The following CNKSR3 variants were observed in gnomAD, a reference collection of about 807,000 sequenced individuals.
CNKSR3 encodes the protein CNKSR family member 3.
A neutral mutation model predicts 67.7 loss-of-function variants in CNKSR3; 36 were observed. The ratio of observed to expected loss-of-function variants is 0.53; its 90% CI spans 0.41 to 0.70. The LOEUF (loss-of-function observed/expected upper bound fraction) is 0.70, where lower values mean the gene tolerates loss of function less well. CNKSR3 is among the 30% of genes least tolerant of loss of function. The probability of loss-of-function intolerance (pLI) is 0.00; values close to 1 mark genes in which losing one functional copy is unlikely to be tolerated. For missense variants in CNKSR3, 630 were observed against 695.2 expected, an observed-to-expected ratio of 0.91 and a Z score of 1.05; for synonymous variants, 281 against 271.4, an observed-to-expected ratio of 1.04 and a Z score of -0.35.
Position 154,398,941 on chromosome 6 carries a change from T to C in CNKSR3, c.*7413A>G, listed in dbSNP as rs1342381181. ...CTAAAAATACAAAATTAGCCGGGTG[T>C]GGTGGCACATGCCTGTAATCCCAGC... is the stretch of plus-strand genomic sequence containing the variant. On this transcript the variant is annotated 3_prime_UTR_variant, in exon 13 of 13. Coordinates refer to ENST00000607772, the MANE Select transcript of CNKSR3 (RefSeq NM_173515.4). 1 of 152,168 alleles carries C rather than the reference T, an allele frequency of 6.6e-6. No individual in the cohort carries two copies. Among genetic ancestry groups the C allele is most frequent in the Non-Finnish European group, 1.5e-5 (1 of 68,108 alleles). The allele number at this position is 152,168 out of a possible 1,614,324, so 9.4% of individuals were successfully genotyped here.
In CNKSR3 at chr6:154,500,193, A is replaced by G. The variant is rs757545892; in HGVS notation, c.52+9870T>C. On this transcript the variant is annotated intron_variant, in intron 1 of 12. Coordinates refer to ENST00000607772, the MANE Select transcript of CNKSR3 (RefSeq NM_173515.4). ...ACTTGATTCTCCTGAAGACAATGTAATATAAAATTACTGTGAGAACATGCA... is the reference window on the plus strand; with the variant it reads ...ACTTGATTCTCCTGAAGACAATGTAGTATAAAATTACTGTGAGAACATGCA... 6.0e-4 allele frequency among the ~76,000 whole-genome samples: 92 copies of G among 152,098 alleles called. 1 individual carries two copies. The highest frequency in any genetic ancestry group is 1.2e-3 in the Non-Finnish European group (83 of 68,032).
chr6:154,501,663 G>A lies in CNKSR3; in HGVS notation c.52+8400C>T, dbSNP rs530881070. 4.6e-5 allele frequency among the ~76,000 whole-genome samples: 7 copies of A among 152,088 alleles called. No homozygotes were observed. In the East Asian group the frequency reaches 1.2e-3, roughly 25 times the overall value. Reference sequence around the variant, plus strand: ...CACCTCTGAAAGGCTTTCTGATGACGTCATCCAAAGGAGTCCCCCACCCAG... The same window carrying A: ...CACCTCTGAAAGGCTTTCTGATGACATCATCCAAAGGAGTCCCCCACCCAG... On this transcript the variant is annotated intron_variant, in intron 1 of 12. Transcript: ENST00000607772.
rs1785149905 is a variant in CNKSR3, at chr6:154,421,821, T to A, written c.945+685A>T. Among the ~76,000 whole-genome samples, 5 of 152,066 alleles carry A rather than the reference T, an allele frequency of 3.3e-5. 1 individual carries two copies. In the South Asian group the frequency reaches 1.0e-3, roughly 32 times the overall value. ...CAAACTGTATACAGTTATGTAGGTA[T>A]GTGTTTGAAATGAGAGAGGAGAAGG... On this transcript the variant is annotated intron_variant, in intron 9 of 12. Coordinates refer to ENST00000607772, the MANE Select transcript of CNKSR3 (RefSeq NM_173515.4).
intron 6 of CNKSR3, among the ~76,000 whole-genome samples, chr6:154,429,524 C>T (rs1239883883): frequency 6.6e-6 from 1 of 152,170 alleles, no homozygotes; most frequent in Non-Finnish European, 1.5e-5. Flanking sequence ...TCCAGGAAGT[C>T]CTCCCTGTTT....
chr6:154,414,581 A>G, intron 9 of CNKSR3, 158 bp from the exon 10 acceptor site: 1 of 784,094 alleles, frequency 1.3e-6, no homozygotes, highest in Non-Finnish European at 2.2e-6. Context: ...TTTAACTTAC[A>G]TTCTTCTTTG....
At chr6:154,479,671 C>T (rs192443034) in intron 1 of CNKSR3, among the ~76,000 whole-genome samples, 6 of 152,208 alleles carry the variant, frequency 3.9e-5, no homozygotes, top group East Asian at 3.9e-4. Flanking sequence ...CAACACAGAA[C>T]GAAAATTATG....
chr6:154,452,533 G>A (rs185895549), intron 1 of CNKSR3, among the ~76,000 whole-genome samples: 1 of 152,204 alleles, frequency 6.6e-6, no homozygotes, highest in African/African-American at 2.4e-5. Flanking sequence ...CTCTTGGGAC[G>A]CTGTCTTCCC....
chr6:154,496,109 G>A (rs145327449), intron 1 of CNKSR3, among the ~76,000 whole-genome samples: 17 of 152,200 alleles, frequency 1.1e-4, no homozygotes, highest in African/African-American at 3.4e-4. Flanking sequence ...AGAATTTCTG[G>A]GAGTTAAAGC....
chr6:154,414,007 C>T (rs947881052), intron 10 of CNKSR3, among the ~76,000 whole-genome samples: 1 of 152,092 alleles, frequency 6.6e-6, no homozygotes, highest in Non-Finnish European at 1.5e-5. Flanking sequence ...CCTCAGCCAC[C>T]CAAAGTGCTG....
intron 1 of CNKSR3, among the ~76,000 whole-genome samples, chr6:154,498,082 G>C (rs182995799): frequency 1.5e-3 from 221 of 152,322 alleles, no homozygotes; most frequent in Non-Finnish European, 2.5e-3. Context: ...CTATTCAGTG[G>C]TTTGCTGAAT....
At chr6:154,489,009 C>A (rs751350773) in intron 1 of CNKSR3, among the ~76,000 whole-genome samples, 9 of 152,114 alleles carry the variant, frequency 5.9e-5, no homozygotes, top group Non-Finnish European at 1.5e-5. Context: ...GGAGGGCGAG[C>A]GGCCACACCC....
chr6:154,406,684 T>A (rs1784799759), intron 12 of CNKSR3, 32 bp from the exon 13 acceptor site: 2 of 1,582,322 alleles, frequency 1.3e-6, no homozygotes, highest in Non-Finnish European at 1.7e-6. Context: ...TAAGTCACAA[T>A]CCCAGCCGGG....
chr6:154,510,179 G>C lies in CNKSR3; in HGVS notation c.-65C>G. The stretch of plus-strand genomic sequence containing the variant: ...GATAAAGTGCTGCTGCCTGCGCTCC[G>C]GTGCCCCTTCCCGGGAGGGCGCGCC... On this transcript the variant is annotated 5_prime_UTR_variant, in exon 1 of 13. Coordinates refer to ENST00000607772, the MANE Select transcript of CNKSR3 (RefSeq NM_173515.4). The C allele has an allele frequency of 6.3e-7, 1 of 1,595,060 alleles. No individual in the cohort carries two copies. The highest frequency in any genetic ancestry group is 8.6e-7 in the Non-Finnish European group (1 of 1,164,290).
chr6:154,472,131 T>A (rs1582887575), intron 1 of CNKSR3, among the ~76,000 whole-genome samples: 2 of 152,184 alleles, frequency 1.3e-5, no homozygotes, highest in East Asian at 3.8e-4. Flanking sequence ...ACAAAGTGCC[T>A]GGATGGGCTT....
Position 154,406,563 on chromosome 6 carries a change from G to T in CNKSR3, c.1459C>A (p.Pro487Thr), listed in dbSNP as rs368606606. 5.0e-6 allele frequency: 8 copies of T among 1,614,104 alleles called. No individual in the cohort carries two copies. Among genetic ancestry groups the T allele is most frequent in the Non-Finnish European group, 6.8e-6 (8 of 1,180,044 alleles). The change falls in exon 13 of 13, where the codon CCC (proline) becomes ACC (threonine). Residue 487 changes from proline to threonine, a missense_variant. Physicochemically the swap from Pro to Thr is conservative, Grantham distance 38. Coordinates refer to ENST00000607772, the MANE Select transcript of CNKSR3 (RefSeq NM_173515.4). ...CGGACCAGATGCCGCTCGGTCGTGG[G>T]TCTGGAGAACCGGTATGGGGGAGAG... The part of the protein sequence containing the change: ...SSSPPYRFSR[P>T]TTERHLVRGA...
In CNKSR3 at chr6:154,401,731, T is replaced by C. The variant is rs1009510291; in HGVS notation, c.*4623A>G. On this transcript the variant is annotated 3_prime_UTR_variant, in exon 13 of 13. Transcript: ENST00000607772. Reference sequence around the variant, plus strand: ...AGGGTAGGAGCAAAATGTGAACTAATGGTCTACAAAACTAATCTCATCTAC... The same window carrying C: ...AGGGTAGGAGCAAAATGTGAACTAACGGTCTACAAAACTAATCTCATCTAC... 3 of 152,242 alleles carry C rather than the reference T, an allele frequency of 2.0e-5. No homozygotes were observed. The highest frequency in any genetic ancestry group is 2.0e-4 in the Admixed American group (3 of 15,276). 9.4% of individuals were successfully genotyped at this position (152,242 alleles called of 1,614,324 possible).
chr6:154,475,327 C>A (rs544782372), intron 1 of CNKSR3, among the ~76,000 whole-genome samples: 56 of 152,230 alleles, frequency 3.7e-4, no homozygotes, highest in African/African-American at 1.1e-3. Flanking sequence ...ACCATCTCTC[C>A]CCCTGGGCGC....
At chr6:154,423,491 C>A (rs941839362) in intron 7 of CNKSR3, among the ~76,000 whole-genome samples, 4 of 152,184 alleles carry the variant, frequency 2.6e-5, no homozygotes, top group Non-Finnish European at 5.9e-5. Context: ...CTCCCAACTT[C>A]AGGTGATCTG....
intron 1 of CNKSR3, among the ~76,000 whole-genome samples, chr6:154,473,836 G>A (rs1333330814): frequency 2.0e-5 from 3 of 151,888 alleles, no homozygotes; most frequent in Non-Finnish European, 2.9e-5. Flanking sequence ...CCAGGCTGGA[G>A]TGCAGTGGCA....
Sources: gnomAD v4.1 joint callset for allele counts (sites outside exome capture counted in the v4.1 genomes callset) on GRCh38, gnomAD v4.1.1 for gene constraint, MANE v1.5 for transcripts, NCBI Gene and HGNC (gene_info 2026-07-23, HGNC 2026-07-21) for gene names.